NEK4: variants seen among roughly 807,000 people sequenced by gnomAD.
NEK4 encodes serine/threonine-protein kinase Nek4.
Under a neutral mutation model 98.4 loss-of-function variants are expected in NEK4, and 86 were observed. The ratio of observed to expected loss-of-function variants is 0.87; its 90% CI spans 0.73 to 1.05. NEK4 has a LOEUF of 1.05. NEK4 is among the 50% of genes least tolerant of loss of function. The pLI is 0.00. For synonymous variants in NEK4, 328 were observed against 342.2 expected, an observed-to-expected ratio of 0.96 and a Z score of 0.46; for missense variants, 898 against 950.3, an observed-to-expected ratio of 0.94 and a Z score of 0.72.
chr3:52,732,606 G>T, intron 15 of NEK4: 1 of 301,804 alleles, frequency 3.3e-6, no homozygotes, highest in Non-Finnish European at 6.8e-6. Context: ...TGACATTCAT[G>T]GATGTGGCTA....
In NEK4 at chr3:52,711,616, G is replaced by C; in HGVS notation, c.*161C>G. 1 of 584,728 alleles carries C rather than the reference G, an allele frequency of 1.7e-6. No individual in the cohort carries two copies. The highest frequency in any genetic ancestry group is 3.1e-6 in the Non-Finnish European group (1 of 324,508). 36.2% of individuals were successfully genotyped at this position (584,728 alleles called of 1,614,324 possible). A position where few individuals can be genotyped will look rare whatever the true frequency, so the allele number is the denominator to read the frequency against. ...TTGTGATCCTGCTTCATATTATTCT[G>C]TTCTGTCCAATTTCTTTTCTGTAGG... On this transcript the variant is annotated 3_prime_UTR_variant, in exon 16 of 16. Transcript: ENST00000233027.
intron 15 of NEK4, chr3:52,732,554 G>A (rs868214183): frequency 1.5e-5 from 4 of 259,034 alleles, no homozygotes; most frequent in South Asian, 1.0e-4. Flanking sequence ...AGAAAGAAGC[G>A]GAAAGAAAAG....
intron 15 of NEK4, among the ~76,000 whole-genome samples, chr3:52,735,982 G>T (rs538689213): frequency 1.3e-5 from 2 of 152,338 alleles, no homozygotes; most frequent in South Asian, 4.1e-4. Context: ...GGGCAACAAG[G>T]ATGGTTGCTG....
chr3:52,746,106 A>G lies in NEK4; in HGVS notation c.1782T>C (p.Thr594=). The G allele has an allele frequency of 6.2e-7, 1 of 1,614,116 alleles. No individual in the cohort carries two copies. The highest frequency in any genetic ancestry group is 8.5e-7 in the Non-Finnish European group (1 of 1,179,926). The change falls in exon 10 of 16, where the codon ACT becomes ACC. Residue 594 remains threonine, a synonymous_variant. Coordinates refer to ENST00000233027, the MANE Select transcript of NEK4 (RefSeq NM_003157.6). ...TGCTCCTTGAACTGCTCACAGACCC[A>G]GTGACCACTCTACGTTGGTTTTCAG... The part of the protein sequence containing the change: ...KEAENQRRVV[T]GSVSSSRSSE...
chr3:52,758,565 AATAG>A (rs1328945934), intron 6 of NEK4, among the ~76,000 whole-genome samples: 3 of 152,138 alleles, frequency 2.0e-5, no homozygotes, highest in African/African-American at 7.2e-5. Context: ...AAAATAAAAA[AATAG>A]ATAAACTGGA....
intron 6 of NEK4, chr3:52,753,561 A>G (rs2097409349): frequency 5.6e-6 from 3 of 540,286 alleles, no homozygotes; most frequent in Admixed American, 4.0e-5. Context: ...CAAGCTCTAC[A>G]TGGAAACGAT....
chr3:52,711,716 T>G lies in NEK4; in HGVS notation c.*61A>C. 9.0e-7 allele frequency: 1 copy of G among 1,107,868 alleles called. No individual in the cohort carries two copies. Among genetic ancestry groups the G allele is most frequent in the Non-Finnish European group, 1.4e-6 (1 of 728,030 alleles). The allele number at this position is 1,107,868 out of a possible 1,614,324, so 68.6% of individuals were successfully genotyped here. A position where few individuals can be genotyped will look rare whatever the true frequency, so the allele number is the denominator to read the frequency against. ...TTCCAAATGACTGTTTGCCCTTGCT[T>G]TTTAAGCCAAAATCCTCTAAAAATA... On this transcript the variant is annotated 3_prime_UTR_variant, in exon 16 of 16. Coordinates refer to ENST00000233027, the MANE Select transcript of NEK4 (RefSeq NM_003157.6).
At chr3:52,753,645 C>G in intron 6 of NEK4, 1 of 586,492 alleles carries the variant, frequency 1.7e-6, no homozygotes, top group South Asian at 1.4e-5. Flanking sequence ...CAGCTGCCTT[C>G]TATTCCCAAA....
chr3:52,751,742 CA>C (rs2097405424), intron 7 of NEK4, among the ~76,000 whole-genome samples, 189 bp downstream of exon 7: 1 of 152,114 alleles, frequency 6.6e-6, no homozygotes, highest in Non-Finnish European at 1.5e-5. Context: ...GAGTTGTGGG[CA>C]AGAGGGAATG....
chr3:52,748,358 C>T (rs888567182), intron 8 of NEK4, among the ~76,000 whole-genome samples: 6 of 152,020 alleles, frequency 3.9e-5, no homozygotes, highest in Admixed American at 1.3e-4. Flanking sequence ...GACAAAATGC[C>T]GACATCAGTT....
At chr3:52,714,826 C>A (rs528332880) in intron 15 of NEK4, among the ~76,000 whole-genome samples, 1 of 152,222 alleles carries the variant, frequency 6.6e-6, no homozygotes, top group African/African-American at 2.4e-5. Flanking sequence ...AATCTCAGAG[C>A]GGGGTAAGCC....
chr3:52,759,400 C>CA (rs34662992), intron 6 of NEK4, among the ~76,000 whole-genome samples: 68,563 of 142,704 alleles, frequency 0.48, 16,046 homozygotes, highest in African/African-American at 0.57. Context: ...GACCCTGTAT[C>CA]AAAAAAAAAA....
In NEK4 at chr3:52,760,883, G is replaced by A; in HGVS notation, c.875C>T (p.Ala292Val). 6.2e-7 allele frequency: 1 copy of A among 1,607,704 alleles called. No individual in the cohort carries two copies. Among genetic ancestry groups the A allele is most frequent in the Middle Eastern group, 1.7e-4 (1 of 6,054 alleles). The change falls in exon 6 of 16, where the codon GCT becomes GTT. Residue 292 changes from alanine (A) to valine (V), a missense_variant. Transcript: ENST00000233027. ...TTCTGCCTCTCCAGAAACCACTGTA[G>A]CAAAAGGCTTGGATTGAGAGTCACC... ...KNGDSQSKPF[A>V]TVVSGEAESN...
intron 6 of NEK4, among the ~76,000 whole-genome samples, chr3:52,756,825 G>A: frequency 6.6e-6 from 1 of 152,124 alleles, no homozygotes; most frequent in Non-Finnish European, 1.5e-5. Context: ...CCCACAAAAT[G>A]AGAGAAAATA....
intron 15 of NEK4, among the ~76,000 whole-genome samples, chr3:52,715,019 C>A (rs992206921): frequency 6.6e-5 from 10 of 152,206 alleles, no homozygotes; most frequent in African/African-American, 2.4e-4. Flanking sequence ...GCATGAACAG[C>A]CTGGGCCCCG....
At chr3:52,758,178 C>CAAAAA (rs35117059) in intron 6 of NEK4, among the ~76,000 whole-genome samples, 61 of 62,716 alleles carry the variant, frequency 9.7e-4, no homozygotes, top group East Asian at 3.0e-3. Flanking sequence ...GACACCATCT[C>CAAAAA]AAAAAAAAAA....
At chr3:52,749,664 T>C (rs1334148083) in intron 8 of NEK4, 28 bp downstream of exon 8, 3 of 241,878 alleles carry the variant, frequency 1.2e-5, no homozygotes. Flanking sequence ...TAAAACCCCA[T>C]CTCTGCTAGA....
intron 15 of NEK4, chr3:52,732,454 C>T (rs1395821196): frequency 6.2e-6 from 1 of 161,692 alleles, no homozygotes; most frequent in Non-Finnish European, 1.4e-5. Flanking sequence ...CTCGGCCTCC[C>T]AAGGTGTTGG....
chr3:52,760,711 C>G (rs1698322242), intron 6 of NEK4, 84 bp downstream of exon 6: 1 of 893,096 alleles, frequency 1.1e-6, no homozygotes, highest in Admixed American at 2.2e-5. Flanking sequence ...AAAGCATAAT[C>G]ATTTCACACA....
Sources: gnomAD v4.1 joint callset for allele counts (sites outside exome capture counted in the v4.1 genomes callset) on GRCh38, gnomAD v4.1.1 for gene constraint, MANE v1.5 for transcripts, NCBI Gene and HGNC (gene_info 2026-07-23, HGNC 2026-07-21) for gene names.